The following CTIF variants were observed in gnomAD, a reference collection of about 807,000 sequenced individuals.
CTIF encodes the protein cap binding complex dependent translation initiation factor.
CTIF carries 21 observed loss-of-function variants against 66.0 expected under a neutral mutation model. The observed-to-expected ratio is 0.32, with a 90% CI of 0.23 to 0.46. The LOEUF (loss-of-function observed/expected upper bound fraction) is 0.46. CTIF is among the 20% of genes least tolerant of loss of function. CTIF has a pLI of 1.00. For synonymous variants in CTIF, 345 were observed against 326.4 expected (o/e 1.06, Z -0.62); for missense variants, 739 against 812.7 (o/e 0.91, Z 1.10).
chr18:48,614,362 C>T (rs1198812157), intron 1 of CTIF, among the ~76,000 whole-genome samples: 3 of 152,116 alleles, frequency 2.0e-5, no homozygotes, highest in Non-Finnish European at 2.9e-5. Flanking sequence ...AGGTGGATAC[C>T]CCAAAGAATA....
At chr18:48,694,878 A>G (rs1041633905) in intron 6 of CTIF, among the ~76,000 whole-genome samples, 17 of 152,386 alleles carry the variant, frequency 1.1e-4, no homozygotes, top group African/African-American at 3.6e-4. Context: ...TATGCTTAAA[A>G]TACAGTTCCA....
chr18:48,668,775 A>G (rs543223979), intron 5 of CTIF, among the ~76,000 whole-genome samples: 1 of 151,958 alleles, frequency 6.6e-6, no homozygotes, highest in Non-Finnish European at 1.5e-5. Context: ...CGCCCAAGAC[A>G]GTTCTAGACG....
Position 48,710,833 on chromosome 18 carries a change from G to A in CTIF, c.508-786G>A, listed in dbSNP as rs543912884. Among the ~76,000 whole-genome samples, 11 of 152,258 alleles carry A rather than the reference G, an allele frequency of 7.2e-5. No individual in the cohort carries two copies. The East Asian group carries it at 7.7e-4, about 11-fold the overall frequency. On this transcript the variant is annotated intron_variant, in intron 6 of 11. Transcript: ENST00000256413. ...CAAAAAATCAAAAAACAAGCCAGGC[G>A]TGGTGATGTGTGCCTATGATACTGG...
chr18:48,811,629 T>G lies in CTIF; in HGVS notation c.1372-5592T>G, dbSNP rs75249648. ...GTTTCTGTTTATGGGTTTGGCTACT[T>G]TAGATACCTGCATAAGTGAAATCAT... On this transcript the variant is annotated intron_variant, in intron 9 of 11. Coordinates refer to ENST00000256413, the MANE Select transcript of CTIF (RefSeq NM_014772.3). Among the ~76,000 whole-genome samples, 1,484 of 152,244 alleles carry G rather than the reference T, an allele frequency of 9.7e-3. 26 individuals carry two copies. The highest frequency in any genetic ancestry group is 0.034 in the African/African-American group (1,402 of 41,534).
chr18:48,592,497 C>CAAAAA (rs34825594), intron 1 of CTIF, among the ~76,000 whole-genome samples: 4 of 117,650 alleles, frequency 3.4e-5, no homozygotes, highest in East Asian at 2.8e-4. Flanking sequence ...AACCCTGTCT[C>CAAAAA]AAAAAAAAAA....
At chr18:48,608,062 G>A (rs897324648) in intron 1 of CTIF, among the ~76,000 whole-genome samples, 4 of 152,078 alleles carry the variant, frequency 2.6e-5, no homozygotes, top group Admixed American at 6.5e-5. Flanking sequence ...TTGCTCTTTC[G>A]CAGGGGACTT....
At chr18:48,544,384 G>A (rs916880778) in intron 1 of CTIF, among the ~76,000 whole-genome samples, 3 of 152,362 alleles carry the variant, frequency 2.0e-5, no homozygotes, top group African/African-American at 7.2e-5. Flanking sequence ...TCACGAGTAA[G>A]CAGTAGAGCA....
At chr18:48,556,346 T>G (rs1254642850) in intron 1 of CTIF, among the ~76,000 whole-genome samples, 2 of 152,186 alleles carry the variant, frequency 1.3e-5, no homozygotes, top group African/African-American at 2.4e-5. Flanking sequence ...CTACAGAATC[T>G]TAAACTCTTT....
intron 6 of CTIF, among the ~76,000 whole-genome samples, chr18:48,704,389 A>G (rs1439501701): frequency 1.3e-5 from 2 of 152,210 alleles, no homozygotes; most frequent in Admixed American, 1.3e-4. Context: ...ATTCAAATTC[A>G]AAATTTGGCA....
intron 6 of CTIF, among the ~76,000 whole-genome samples, chr18:48,699,600 A>G (rs1238768847): frequency 6.6e-6 from 1 of 152,156 alleles, no homozygotes; most frequent in East Asian, 1.9e-4. Flanking sequence ...GCTGCTTCCC[A>G]GCAGGTGCAC....
At position 48,761,623 on chromosome 18, in the gene CTIF, C is replaced by T. The variant is rs151074919; in HGVS notation, c.1305C>T (p.Cys435=). ...TCGCCTTCACCGCTGCCAAGCTCTG[C>T]GACAAGATGGCGCTCTTTATGGTGG... The part of the protein sequence containing the change: ...RSFAFTAAKL[C]DKMALFMVEG... The change falls in exon 9 of 12, where the codon TGC becomes TGT. Residue 435 remains cysteine, a synonymous_variant. Coordinates refer to ENST00000256413, the MANE Select transcript of CTIF (RefSeq NM_014772.3). This position sits in a 1 kb window ranked among gnomAD's most constrained non-coding sequence, Gnocchi z 4.2. 1.6e-4 allele frequency: 254 copies of T among 1,614,188 alleles called. 1 individual carries two copies. In the African/African-American group the frequency reaches 3.0e-3, roughly 19 times the overall value.
intron 1 of CTIF, among the ~76,000 whole-genome samples, chr18:48,570,885 G>C (rs953149031): frequency 6.6e-6 from 1 of 152,162 alleles, no homozygotes; most frequent in African/African-American, 2.4e-5. Context: ...GTGTGGAGAT[G>C]AGGGATCCAG....
intron 9 of CTIF, among the ~76,000 whole-genome samples, chr18:48,807,784 G>C (rs1187022132): frequency 2.0e-5 from 3 of 152,012 alleles, no homozygotes; most frequent in African/African-American, 7.3e-5. Context: ...GTTTCACCAT[G>C]TTGGCCAGGT....
chr18:48,736,717 C>T (rs950610288), intron 7 of CTIF, among the ~76,000 whole-genome samples: 4 of 152,292 alleles, frequency 2.6e-5, no homozygotes, highest in African/African-American at 2.4e-5. Flanking sequence ...CTGGACCTGC[C>T]GCGCCATGGC....
chr18:48,766,450 A>G (rs1241003984), intron 9 of CTIF, among the ~76,000 whole-genome samples: 2 of 152,192 alleles, frequency 1.3e-5, no homozygotes, highest in Non-Finnish European at 2.9e-5. Flanking sequence ...ATTGCATTTC[A>G]GATACTGGCT....
Position 48,719,670 on chromosome 18 carries a change from C to T in CTIF, c.584+7975C>T, listed in dbSNP as rs1412294836. Among the ~76,000 whole-genome samples the T allele has an allele frequency of 3.3e-5, 5 of 152,208 alleles. No homozygotes were observed. The South Asian group carries it at 8.3e-4, about 25-fold the overall frequency. ...AAGATCCCAGTCCAGGCCAAAGTAA[C>T]ACTCTGCCTCCTTGTTTCAGCTCTC... On this transcript the variant is annotated intron_variant, in intron 7 of 11. Transcript: ENST00000256413.
At chr18:48,830,538 C>G (rs951901779) in intron 10 of CTIF, among the ~76,000 whole-genome samples, 1 of 152,064 alleles carries the variant, frequency 6.6e-6, no homozygotes, top group African/African-American at 2.4e-5. Flanking sequence ...TACACCACCC[C>G]CAAAAAACAA....
intron 6 of CTIF, among the ~76,000 whole-genome samples, chr18:48,694,533 G>A (rs1394476560): frequency 4.6e-5 from 7 of 152,230 alleles, no homozygotes; most frequent in Non-Finnish European, 8.8e-5. Context: ...CAGAGCCATG[G>A]TGGGAATGAG....
chr18:48,808,946 G>A (rs2068207301), intron 9 of CTIF, among the ~76,000 whole-genome samples: 1 of 152,178 alleles, frequency 6.6e-6, no homozygotes, highest in Non-Finnish European at 1.5e-5. Flanking sequence ...ATGGAGTACA[G>A]ATTGATATTA....
Sources: gnomAD v4.1 joint callset for allele counts (sites outside exome capture counted in the v4.1 genomes callset) on GRCh38, gnomAD v4.1.1 for gene constraint, Gnocchi (gnomAD v3.1) non-coding constraint, MANE v1.5 for transcripts, NCBI Gene and HGNC (gene_info 2026-07-23, HGNC 2026-07-21) for gene names.